Variants in LHFPL3 observed in about 807,000 individuals in gnomAD.
The protein encoded by LHFPL3 is LHFPL tetraspan subfamily member 3.
Under a neutral mutation model 19.3 loss-of-function variants are expected in LHFPL3, and 5 were observed. That is an observed-to-expected ratio of 0.26 (90% confidence interval 0.14 to 0.54). The LOEUF (loss-of-function observed/expected upper bound fraction) is 0.54, where lower values mean the gene tolerates loss of function less well. Among genes scored for constraint, LHFPL3 ranks in the 20% least tolerant of loss-of-function variants. LHFPL3 has a pLI of 0.94. For missense variants in LHFPL3, 249 were observed against 307.4 expected (o/e 0.81, Z 1.42); for synonymous variants, 133 against 126.2 (o/e 1.05, Z -0.36).
intron 1 of LHFPL3, among the ~76,000 whole-genome samples, chr7:104,330,613 A>G (rs983011166): frequency 1.3e-5 from 2 of 152,150 alleles, no homozygotes; most frequent in Non-Finnish European, 2.9e-5. Flanking sequence ...GATTTGCCAT[A>G]TATTGTAAAA....
intron 1 of LHFPL3, among the ~76,000 whole-genome samples, chr7:104,373,308 G>A (rs886146): frequency 6.6e-6 from 1 of 152,166 alleles, no homozygotes; most frequent in Non-Finnish European, 1.5e-5. Flanking sequence ...ATGCAGAGTA[G>A]CAGCCACATT....
At chr7:104,611,590 C>T (rs1363324773) in intron 1 of LHFPL3, among the ~76,000 whole-genome samples, 2 of 152,112 alleles carry the variant, frequency 1.3e-5, no homozygotes, top group Admixed American at 6.6e-5. Flanking sequence ...ATAGTTGATG[C>T]AGCAAGTGAA....
intron 1 of LHFPL3, 36 bp downstream of exon 1, chr7:104,329,260 C>T: frequency 1.3e-6 from 2 of 1,553,718 alleles, no homozygotes; most frequent in African/African-American, 1.4e-5. Context: ...GGCGGAGGAC[C>T]CCGGGGCGCC....
At position 104,811,668 on chromosome 7, in the gene LHFPL3, G is replaced by A. The variant is rs1424140113; in HGVS notation, c.682+74757G>A. Among the ~76,000 whole-genome samples the A allele has an allele frequency of 7.4e-4, 112 of 152,196 alleles. 2 individuals carry two copies. Among genetic ancestry groups the A allele is most frequent in the Non-Finnish European group, 2.6e-4 (18 of 68,032 alleles). On this transcript the variant is annotated intron_variant, in intron 2 of 2. Transcript: ENST00000424859. ...GACAGCATGTTGTTGCCGTGGTTGT[G>A]ATAATCATTAGCAATTATTATTATT... is the stretch of plus-strand genomic sequence containing the variant.
At chr7:104,429,124 C>T (rs1281969912) in intron 1 of LHFPL3, among the ~76,000 whole-genome samples, 1 of 151,766 alleles carries the variant, frequency 6.6e-6, no homozygotes, top group African/African-American at 2.4e-5. Context: ...TATATTTTTG[C>T]TGATGAAATT....
At chr7:104,416,276 C>T (rs796356886) in intron 1 of LHFPL3, among the ~76,000 whole-genome samples, 2 of 152,254 alleles carry the variant, frequency 1.3e-5, no homozygotes, top group African/African-American at 4.8e-5. Flanking sequence ...GAATGATTCT[C>T]CCCTACAAGG....
At chr7:104,835,416 C>T (rs1343661012) in intron 2 of LHFPL3, among the ~76,000 whole-genome samples, 4 of 151,828 alleles carry the variant, frequency 2.6e-5, no homozygotes, top group Non-Finnish European at 5.9e-5. Context: ...ACAACAGCAC[C>T]AGCAAGAAGG....
intron 1 of LHFPL3, among the ~76,000 whole-genome samples, chr7:104,379,743 A>G (rs1207791944): frequency 6.6e-6 from 1 of 152,180 alleles, no homozygotes; most frequent in Non-Finnish European, 1.5e-5. Flanking sequence ...TTTAGGGTAA[A>G]GAGAGATGGA....
intron 1 of LHFPL3, among the ~76,000 whole-genome samples, chr7:104,461,723 G>T (rs770251241): frequency 1.3e-4 from 20 of 151,886 alleles, no homozygotes; most frequent in Non-Finnish European, 2.6e-4. Context: ...CTTTGTTCTT[G>T]GTTATTTGGG....
At chr7:104,462,957 G>T (rs767590852) in intron 1 of LHFPL3, among the ~76,000 whole-genome samples, 8 of 152,106 alleles carry the variant, frequency 5.3e-5, no homozygotes, top group Non-Finnish European at 8.8e-5. Flanking sequence ...TTTCTTCCCA[G>T]TTCAGTCTTT....
At chr7:104,823,661 G>A (rs1227888396) in intron 2 of LHFPL3, among the ~76,000 whole-genome samples, 1 of 152,164 alleles carries the variant, frequency 6.6e-6, no homozygotes, top group African/African-American at 2.4e-5. Flanking sequence ...GAGCCTATAA[G>A]TGCTTTGAGA....
intron 1 of LHFPL3, among the ~76,000 whole-genome samples, chr7:104,432,556 T>G (rs1792023157): frequency 2.0e-5 from 3 of 152,192 alleles, no homozygotes; most frequent in African/African-American, 7.2e-5. Context: ...AATTGCCACC[T>G]ACATGCTGAA....
intron 1 of LHFPL3, among the ~76,000 whole-genome samples, chr7:104,729,804 G>T (rs1793660115): frequency 6.6e-6 from 1 of 151,910 alleles, no homozygotes; most frequent in Non-Finnish European, 1.5e-5. Flanking sequence ...ATGCAGATTT[G>T]TTACATATGT....
intron 1 of LHFPL3, among the ~76,000 whole-genome samples, chr7:104,586,349 A>G (rs1790578766): frequency 6.6e-6 from 1 of 152,056 alleles, no homozygotes; most frequent in African/African-American, 2.4e-5. Flanking sequence ...AGCTATTATA[A>G]TTCACCTATT....
chr7:104,336,427 A>G (rs1282860445), intron 1 of LHFPL3, among the ~76,000 whole-genome samples: 1 of 152,076 alleles, frequency 6.6e-6, no homozygotes, highest in Non-Finnish European at 1.5e-5. Context: ...CCCACTGCAC[A>G]AGGTCCTGGT....
intron 2 of LHFPL3, among the ~76,000 whole-genome samples, chr7:104,890,770 A>AT (rs1298102961): frequency 6.6e-6 from 1 of 152,072 alleles, no homozygotes; most frequent in Non-Finnish European, 1.5e-5. Context: ...TTGTTCATTC[A>AT]TTTTTTTACC....
At chr7:104,508,589 C>T (rs962809441) in intron 1 of LHFPL3, among the ~76,000 whole-genome samples, 2 of 140,886 alleles carry the variant, frequency 1.4e-5, no homozygotes, top group African/African-American at 2.8e-5. Context: ...TGCACATGTA[C>T]CCTAAAACTT....
At chr7:104,565,721 GTCTATCTATCTATCTATCTATCTA>G (rs6150264) in intron 1 of LHFPL3, among the ~76,000 whole-genome samples, 10 of 144,048 alleles carry the variant, frequency 6.9e-5, no homozygotes, top group Admixed American at 3.5e-4. Flanking sequence ...CTGTCTGTCT[GTCTATCTATCTATCTATCTATCTA>G]TCTATCTATC....
At chr7:104,865,874 C>G (rs112223001) in intron 2 of LHFPL3, among the ~76,000 whole-genome samples, 2 of 152,202 alleles carry the variant, frequency 1.3e-5, no homozygotes, top group Admixed American at 6.5e-5. Flanking sequence ...AACAGCAGAT[C>G]TCTCAGCAGA....
Sources: allele counts gnomAD v4.1 joint callset (sites outside exome capture counted in the v4.1 genomes callset), GRCh38; gene constraint gnomAD v4.1.1; transcripts MANE v1.5; gene names NCBI Gene and HGNC (gene_info 2026-07-23, HGNC 2026-07-21).